YAP1: variants seen among roughly 807,000 people sequenced by gnomAD.
YAP1 encodes transcriptional coactivator YAP1.
In YAP1, 5 loss-of-function variants were observed where a neutral mutation model predicts 56.9. That is an observed-to-expected ratio of 0.09 (90% confidence interval 0.05 to 0.18). YAP1 has a LOEUF of 0.18. Ranked by LOEUF, YAP1 falls within the 10% of genes least tolerant of loss-of-function variation. The pLI, the probability that YAP1 is intolerant of heterozygous loss-of-function variation, is 1.00. For missense variants in YAP1, 539 were observed against 651.8 expected, an observed-to-expected ratio of 0.83 and a Z score of 1.88; for synonymous variants, 265 against 248.1, an observed-to-expected ratio of 1.07 and a Z score of -0.64.
At chr11:102,195,718 T>G (rs1186088889) in intron 4 of YAP1, among the ~76,000 whole-genome samples, 9 of 152,222 alleles carry the variant, frequency 5.9e-5, no homozygotes, top group Non-Finnish European at 1.2e-4. Context: ...TTGCAATGAT[T>G]GTAAGTTTTC....
intron 2 of YAP1, among the ~76,000 whole-genome samples, chr11:102,131,475 G>C (rs1944364231): frequency 6.6e-6 from 1 of 152,164 alleles, no homozygotes; most frequent in South Asian, 2.1e-4. Flanking sequence ...TGTCCCTCAC[G>C]ATTGAGGCTA....
chr11:102,222,188 C>T (rs1488270369), intron 6 of YAP1, among the ~76,000 whole-genome samples: 1 of 152,112 alleles, frequency 6.6e-6, no homozygotes. Flanking sequence ...GATGGTGGGG[C>T]CGTGCCTCAG....
At chr11:102,165,823 G>A (rs970928309) in intron 3 of YAP1, among the ~76,000 whole-genome samples, 2 of 152,162 alleles carry the variant, frequency 1.3e-5, no homozygotes, top group African/African-American at 2.4e-5. Flanking sequence ...AAGCAGAAGC[G>A]ACAAGGAACC....
intron 2 of YAP1, among the ~76,000 whole-genome samples, chr11:102,132,744 A>G (rs989863115): frequency 3.9e-5 from 6 of 152,380 alleles, no homozygotes; most frequent in African/African-American, 1.2e-4. Context: ...AGAATTGTGC[A>G]AAGTGAATAT....
In YAP1 at chr11:102,205,046, G is replaced by T. The variant is rs559338800; in HGVS notation, c.803-847G>T. Among the ~76,000 whole-genome samples, 11 of 152,238 alleles carry T rather than the reference G, an allele frequency of 7.2e-5. No homozygotes were observed. In the South Asian group the frequency reaches 2.3e-3, roughly 32 times the overall value. On this transcript the variant is annotated intron_variant, in intron 4 of 8. Coordinates refer to ENST00000282441, the MANE Select transcript of YAP1 (RefSeq NM_001130145.3). ...CACATAAAACTTCCCTCTGCTCACT[G>T]AGGTTAATTCACAGTTTGATCAGTG...
intron 4 of YAP1, among the ~76,000 whole-genome samples, chr11:102,202,559 A>G (rs1385151731): frequency 1.3e-5 from 2 of 152,064 alleles, no homozygotes; most frequent in African/African-American, 4.8e-5. Flanking sequence ...GTGTACACAA[A>G]AAGGGAATGA....
At chr11:102,152,416 C>G (rs984071366) in intron 2 of YAP1, among the ~76,000 whole-genome samples, 1 of 152,338 alleles carries the variant, frequency 6.6e-6, no homozygotes, top group Middle Eastern at 3.4e-3. Flanking sequence ...GACTTTCACT[C>G]TGGCCTCTGT....
chr11:102,150,406 T>C (rs552472349), intron 2 of YAP1, among the ~76,000 whole-genome samples: 2 of 152,220 alleles, frequency 1.3e-5, no homozygotes, highest in African/African-American at 4.8e-5. Context: ...AGTCAGTGTC[T>C]TGGGAGATTT....
intron 5 of YAP1, among the ~76,000 whole-genome samples, chr11:102,206,703 C>T (rs532708032): frequency 6.8e-4 from 104 of 152,214 alleles, no homozygotes; most frequent in Middle Eastern, 6.8e-3. Context: ...ATTAGCCAAG[C>T]GTGGTGGCAC....
chr11:102,214,216 GGCAAGTAATT>G (rs1201174521), intron 6 of YAP1, among the ~76,000 whole-genome samples: 2 of 152,060 alleles, frequency 1.3e-5, no homozygotes, highest in Non-Finnish European at 2.9e-5. Flanking sequence ...TTCATTTCTG[GGCAAGTAATT>G]GCTTCAATCT....
At chr11:102,157,690 G>T (rs1283850195) in intron 2 of YAP1, among the ~76,000 whole-genome samples, 2 of 152,152 alleles carry the variant, frequency 1.3e-5, no homozygotes, top group Non-Finnish European at 2.9e-5. Context: ...TTAAGTTCAA[G>T]TTTTCTCACT....
rs1391059095 is a variant in YAP1, at chr11:102,232,311, T to G, written c.*2371T>G. On this transcript the variant is annotated 3_prime_UTR_variant, in exon 9 of 9. Transcript: ENST00000282441. ...GGGTTGTGAAGATTTAGGGGGACCT[T>G]GATAGAGAACTTTATAAACTTCTTT... 1 of 151,880 alleles carries G rather than the reference T, an allele frequency of 6.6e-6. No individual in the cohort carries two copies. The highest frequency in any genetic ancestry group is 2.4e-5 in the African/African-American group (1 of 41,282). The allele number at this position is 151,880 out of a possible 1,614,324, so 9.4% of individuals were successfully genotyped here. A position where few individuals can be genotyped will look rare whatever the true frequency, so the allele number is the denominator to read the frequency against.
In YAP1 at chr11:102,162,466, C is replaced by T; in HGVS notation, c.583C>T (p.Gln195Ter). The T allele has an allele frequency of 6.2e-7, 1 of 1,613,988 alleles. No homozygotes were observed. Among genetic ancestry groups the T allele is most frequent in the East Asian group, 2.2e-5 (1 of 44,890 alleles). ...TTTGTTTTGTCTTAGTCACATCGAT[C>T]AGACAACAACATGGCAGGACCCCAG... is the stretch of plus-strand genomic sequence containing the variant. ...GQRYFLNHID[Q>*]TTTWQDPRKA... The change falls in exon 3 of 9, where the codon CAG (glutamine) becomes TAG (stop). Residue 195 changes from glutamine to a stop codon, truncating the protein, a stop_gained. Coordinates refer to ENST00000282441, the MANE Select transcript of YAP1 (RefSeq NM_001130145.3). LOFTEE classifies it high-confidence loss of function.
Position 102,142,964 on chromosome 11 carries a change from C to T in YAP1, c.573-19492C>T, listed in dbSNP as rs185960685. Among the ~76,000 whole-genome samples the T allele has an allele frequency of 3.3e-3, 506 of 152,054 alleles. 2 individuals are homozygous for T. The highest frequency in any genetic ancestry group is 4.8e-3 in the Admixed American group (74 of 15,262). ...TAAATACTTAGGTGTAGTCTCTTAA[C>T]GTGTGTTACCTCTTTTAATCCTCTT... On this transcript the variant is annotated intron_variant, in intron 2 of 8. Coordinates refer to ENST00000282441, the MANE Select transcript of YAP1 (RefSeq NM_001130145.3).
intron 2 of YAP1, among the ~76,000 whole-genome samples, chr11:102,130,257 A>G (rs1394284766): frequency 1.3e-5 from 2 of 152,186 alleles, no homozygotes; most frequent in African/African-American, 4.8e-5. Context: ...TAGTTCGTGT[A>G]AAATAAGGAA....
At chr11:102,141,112 T>A (rs558855137) in intron 2 of YAP1, among the ~76,000 whole-genome samples, 10 of 152,270 alleles carry the variant, frequency 6.6e-5, no homozygotes, top group African/African-American at 2.4e-4. Context: ...TCAGCTCAGG[T>A]GTTAATTCCT....
At position 102,185,953 on chromosome 11, in the gene YAP1, C is replaced by G. The variant is rs370797199; in HGVS notation, c.689-65C>G. On this transcript the variant is annotated intron_variant, in intron 3 of 8. Coordinates refer to ENST00000282441, the MANE Select transcript of YAP1 (RefSeq NM_001130145.3). ...TGTTTTCTTTTTAAATTAGTACCCC[C>G]TCCCACTTTTTTTTAGGTGCACCAA... The G allele has an allele frequency of 2.1e-5, 30 of 1,461,648 alleles. 1 individual carries two copies. In the South Asian group the frequency reaches 4.0e-4, roughly 19 times the overall value. 90.5% of individuals were successfully genotyped at this position (1,461,648 alleles called of 1,614,324 possible).
At position 102,176,984 on chromosome 11, in the gene YAP1, A is replaced by C. The variant is rs144747895; in HGVS notation, c.689-9034A>C. ...CCAGAGAGAAAGCAGCTGATGAAGT[A>C]GGAGAAGAAACTATATGTAGACAAG... On this transcript the variant is annotated intron_variant, in intron 3 of 8. Transcript: ENST00000282441. Among the ~76,000 whole-genome samples, 486 of 152,200 alleles carry C rather than the reference A, an allele frequency of 3.2e-3. 1 individual carries two copies. Among genetic ancestry groups the C allele is most frequent in the African/African-American group, 0.011 (465 of 41,524 alleles).
rs1950401869 is a variant in YAP1 at position 102,230,596 on chromosome 11, A to G, written c.*656A>G. ...ATATAAATATATTAATTATTGCCAC[A>G]TACTCTAATATAGATTTTGGTGGAT... On this transcript the variant is annotated 3_prime_UTR_variant, in exon 9 of 9. Transcript: ENST00000282441. 1 of 152,562 alleles carries G rather than the reference A, an allele frequency of 6.6e-6. No individual in the cohort carries two copies. The highest frequency in any genetic ancestry group is 6.6e-5 in the Admixed American group (1 of 15,266). 9.5% of individuals were successfully genotyped at this position (152,562 alleles called of 1,614,324 possible).
Sources: gnomAD v4.1 joint callset for allele counts (sites outside exome capture counted in the v4.1 genomes callset) on GRCh38, gnomAD v4.1.1 for gene constraint, MANE v1.5 for transcripts, NCBI Gene and HGNC (gene_info 2026-07-23, HGNC 2026-07-21) for gene names.